EIF2AK3: variants seen among roughly 807,000 people sequenced by gnomAD.
EIF2AK3 encodes the protein eukaryotic translation initiation factor 2-alpha kinase 3.
A neutral mutation model predicts 113.5 loss-of-function variants in EIF2AK3; 50 were observed. The ratio of observed to expected loss-of-function variants is 0.44; its 90% CI spans 0.35 to 0.56. The LOEUF (loss-of-function observed/expected upper bound fraction) is 0.56. EIF2AK3 is among the 20% of genes least tolerant of loss of function. The probability of loss-of-function intolerance (pLI) is 0.00; values close to 1 mark genes in which losing one functional copy is unlikely to be tolerated. For missense variants in EIF2AK3, 1,185 were observed against 1,378.0 expected, an observed-to-expected ratio of 0.86 and a Z score of 2.22; for synonymous variants, 448 against 495.4, an observed-to-expected ratio of 0.90 and a Z score of 1.27.
intron 3 of EIF2AK3, among the ~76,000 whole-genome samples, chr2:88,594,345 C>T (rs965596178): frequency 2.0e-5 from 3 of 152,136 alleles, no homozygotes; most frequent in East Asian, 3.9e-4. Flanking sequence ...GGCGTGCGTG[C>T]GCCACCATCC....
At chr2:88,627,777 GC>G (rs1244748583), upstream of EIF2AK3, 1 of 153,694 alleles carries the variant, frequency 6.5e-6, no homozygotes, top group African/African-American at 2.4e-5. Context: ...AAAGCGAGGC[GC>G]TGGAGAAGAC....
chr2:88,615,929 C>G (rs1442475685), intron 1 of EIF2AK3, among the ~76,000 whole-genome samples: 4 of 152,098 alleles, frequency 2.6e-5, no homozygotes, highest in African/African-American at 9.7e-5. Context: ...ATCCCGTGGT[C>G]AGGTCTTGCT....
rs1674710568 is a variant in EIF2AK3 at position 88,585,844 on chromosome 2, G to A, written c.1647C>T (p.His549=). 3 of 1,613,262 alleles carry A rather than the reference G, an allele frequency of 1.9e-6. No individual in the cohort carries two copies. Among genetic ancestry groups the A allele is most frequent in the Non-Finnish European group, 2.5e-6 (3 of 1,179,460 alleles). The stretch of plus-strand genomic sequence containing the variant: ...AGTAAGCAACCATGATTCTTACCCT[G>A]TGAGGATGAGGATGGAAAAGCCTGC... ...IVRRLFHPHP[H]RQRKESETQC... is the part of the protein sequence containing the mutation. Residue 549 remains histidine, a synonymous_variant, in exon 9 of 17, where the codon CAC becomes CAT. Coordinates refer to ENST00000303236, the MANE Select transcript of EIF2AK3 (RefSeq NM_004836.7).
chr2:88,571,539 A>G (rs1156321261), intron 13 of EIF2AK3, among the ~76,000 whole-genome samples: 1 of 152,212 alleles, frequency 6.6e-6, no homozygotes, highest in Non-Finnish European at 1.5e-5. Flanking sequence ...GAGGCCCAGA[A>G]GTTAAACAAA....
intron 13 of EIF2AK3, among the ~76,000 whole-genome samples, chr2:88,573,774 A>C (rs530867926): frequency 2.0e-5 from 3 of 152,334 alleles, no homozygotes; most frequent in East Asian, 1.9e-4. Context: ...ACTTGTGTCC[A>C]AATAGCTACT....
chr2:88,564,571 A>G (rs1292682317), intron 14 of EIF2AK3, among the ~76,000 whole-genome samples: 2 of 152,090 alleles, frequency 1.3e-5, no homozygotes, highest in Non-Finnish European at 2.9e-5. Flanking sequence ...ACACACACAC[A>G]CAGCAGCCAC....
intron 13 of EIF2AK3, 90 bp downstream of exon 13, chr2:88,574,576 C>T: frequency 6.7e-7 from 1 of 1,498,002 alleles, no homozygotes; most frequent in African/African-American, 1.4e-5. Flanking sequence ...CTCCCCAACT[C>T]TTAAGGATCC....
chr2:88,627,466 T>C (rs747580678), upstream of EIF2AK3: 20 of 625,030 alleles, frequency 3.2e-5, no homozygotes, highest in East Asian at 2.9e-4. Flanking sequence ...TGACAGCCTA[T>C]CTCGGACATC....
At chr2:88,602,800 G>A (rs563573882) in intron 2 of EIF2AK3, among the ~76,000 whole-genome samples, 10 of 151,862 alleles carry the variant, frequency 6.6e-5, no homozygotes, top group South Asian at 2.1e-4. Flanking sequence ...GGGGCCTGAC[G>A]GGGGTGGGGA....
intron 2 of EIF2AK3, chr2:88,595,972 A>C (rs996809703): frequency 3.1e-5 from 13 of 417,000 alleles, no homozygotes; most frequent in African/African-American, 1.0e-4. Flanking sequence ...AGTTACCAAA[A>C]GAGAGTTTTA....
intron 2 of EIF2AK3, among the ~76,000 whole-genome samples, chr2:88,607,757 A>C (rs2104461368): frequency 6.6e-6 from 1 of 152,340 alleles, no homozygotes; most frequent in South Asian, 2.1e-4. Flanking sequence ...ACCTAATGGT[A>C]ATTCCTAGTG....
intron 1 of EIF2AK3, among the ~76,000 whole-genome samples, chr2:88,622,193 G>A (rs550434242): frequency 1.8e-4 from 28 of 152,102 alleles, no homozygotes; most frequent in African/African-American, 5.1e-4. Flanking sequence ...CACCACGCCC[G>A]GCCCTATGAA....
At position 88,557,825 on chromosome 2, in the gene EIF2AK3, G is replaced by A; in HGVS notation, c.3262C>T (p.Leu1088Phe). 3 of 1,614,102 alleles carry A rather than the reference G, an allele frequency of 1.9e-6. No individual in the cohort carries two copies. The highest frequency in any genetic ancestry group is 2.5e-6 in the Non-Finnish European group (3 of 1,180,008). Reference sequence around the variant, plus strand: ...CTCAAGGAGCGAGACCTCTGTCTGAGCACTGTTTTTCCTGGAAAGTCCAAG... The same window carrying A: ...CTCAAGGAGCGAGACCTCTGTCTGAACACTGTTTTTCCTGGAAAGTCCAAG... ...EDLDFPGKTV[L>F]RQRSRSLSSS... The change falls in exon 17 of 17, where the codon CTC becomes TTC. Residue 1088 changes from leucine to phenylalanine, a missense_variant. Physicochemically the swap from Leu to Phe is conservative, Grantham distance 22. Coordinates refer to ENST00000303236, the MANE Select transcript of EIF2AK3 (RefSeq NM_004836.7).
chr2:88,562,545 T>C (rs1388020015), intron 14 of EIF2AK3, among the ~76,000 whole-genome samples, 155 bp from the exon 15 acceptor site: 3 of 152,210 alleles, frequency 2.0e-5, no homozygotes, highest in Non-Finnish European at 4.4e-5. Flanking sequence ...CTCCCAAGTC[T>C]CTTTTCTTCA....
intron 11 of EIF2AK3, 116 bp downstream of exon 11, chr2:88,579,402 A>G: frequency 7.2e-7 from 1 of 1,397,620 alleles, no homozygotes; most frequent in Non-Finnish European, 1.0e-6. Flanking sequence ...CTAAGATTTG[A>G]AACGTCTGAA....
chr2:88,564,829 T>C (rs141645023), intron 14 of EIF2AK3, among the ~76,000 whole-genome samples: 1 of 152,046 alleles, frequency 6.6e-6, no homozygotes, highest in Non-Finnish European at 1.5e-5. Context: ...AAGAAACCAG[T>C]GTAATGGGAT....
Position 88,557,007 on chromosome 2 carries a change from A to T in EIF2AK3, c.*729T>A, listed in dbSNP as rs2104374681. Reference sequence around the variant, plus strand: ...ATTTCATTAGGCTTAAAAAGTCCATAGTTGAAGAAGTTAGTTGTAATATAT... The same window carrying T: ...ATTTCATTAGGCTTAAAAAGTCCATTGTTGAAGAAGTTAGTTGTAATATAT... On this transcript the variant is annotated 3_prime_UTR_variant, in exon 17 of 17. Transcript: ENST00000303236. 6.6e-6 allele frequency: 1 copy of T among 152,456 alleles called. No individual in the cohort carries two copies. The highest frequency in any genetic ancestry group is 2.4e-5 in the African/African-American group (1 of 41,594). 9.4% of individuals were successfully genotyped at this position (152,456 alleles called of 1,614,324 possible). A position where few individuals can be genotyped will look rare whatever the true frequency, so the allele number is the denominator to read the frequency against.
intron 11 of EIF2AK3, among the ~76,000 whole-genome samples, chr2:88,577,679 A>G (rs560396254): frequency 3.3e-5 from 5 of 151,846 alleles, no homozygotes; most frequent in Admixed American, 3.3e-4. Flanking sequence ...GTACCTGGCC[A>G]ACCTATCTTT....
Position 88,613,710 on chromosome 2 carries a change from C to T in EIF2AK3, c.438+14G>A, listed in dbSNP as rs1402684201. On this transcript the variant is annotated intron_variant, in intron 2 of 16. Transcript: ENST00000303236. ...ATTAAGTTTTCTAGTCAACAGTTAA[C>T]AGAAAATTCTTACCTCTGGTTTGCT... 1.2e-6 allele frequency: 2 copies of T among 1,613,812 alleles called. No homozygotes were observed. The highest frequency in any genetic ancestry group is 2.7e-5 in the African/African-American group (2 of 74,904).
Sources: allele counts gnomAD v4.1 joint callset (sites outside exome capture counted in the v4.1 genomes callset), GRCh38; gene constraint gnomAD v4.1.1; transcripts MANE v1.5; gene names NCBI Gene and HGNC (gene_info 2026-07-23, HGNC 2026-07-21).